The following PDXDC1 variants were observed in gnomAD, a reference collection of about 807,000 sequenced individuals.
The protein encoded by PDXDC1 is pyridoxal-dependent decarboxylase domain-containing protein 1.
In PDXDC1, 42 loss-of-function variants were observed where a neutral mutation model predicts 100.1. The observed-to-expected ratio is 0.42, with a 90% CI of 0.33 to 0.54. The LOEUF (loss-of-function observed/expected upper bound fraction) is 0.54. PDXDC1 is among the 20% of genes least tolerant of loss of function. PDXDC1 has a pLI of 0.10. For synonymous variants in PDXDC1, 260 were observed against 371.7 expected, an observed-to-expected ratio of 0.70 and a Z score of 3.46; for missense variants, 636 against 979.2, an observed-to-expected ratio of 0.65 and a Z score of 4.68.
intron 12 of PDXDC1, among the ~76,000 whole-genome samples, chr16:15,021,744 A>G: frequency 6.6e-6 from 1 of 152,292 alleles, no homozygotes; most frequent in East Asian, 1.9e-4. Flanking sequence ...AGACATGGTG[A>G]TCTGTATATA....
At chr16:15,006,169 T>C (rs1451814601) in intron 5 of PDXDC1, among the ~76,000 whole-genome samples, 3 of 152,276 alleles carry the variant, frequency 2.0e-5, no homozygotes, top group Non-Finnish European at 4.4e-5. Context: ...TTCTGCTCTT[T>C]ATGGAATTGG....
intron 1 of PDXDC1, among the ~76,000 whole-genome samples, chr16:14,993,047 A>G (rs1443132463): frequency 6.6e-6 from 1 of 152,222 alleles, no homozygotes; most frequent in Non-Finnish European, 1.5e-5. Context: ...GCCCAAGCTG[A>G]TCTGAAACTC....
chr16:15,031,250 C>T (rs538866884), intron 16 of PDXDC1, among the ~76,000 whole-genome samples: 12 of 151,974 alleles, frequency 7.9e-5, no homozygotes, highest in Admixed American at 1.3e-4. Context: ...TGCCTGGCCA[C>T]AGCTCTAGAT....
chr16:15,026,358 A>T (rs1456543521), intron 13 of PDXDC1: 1 of 497,720 alleles, frequency 2.0e-6, no homozygotes, highest in African/African-American at 1.9e-5. Context: ...TTAATGTTAG[A>T]CCTATGTTTA....
At chr16:15,125,516 G>A in intron 16 of PDXDC1, 1 of 1,499,038 alleles carries the variant, frequency 6.7e-7, no homozygotes, top group Non-Finnish European at 9.3e-7. Context: ...ACAGTGACCT[G>A]CACCAGGGCT....
chr16:15,068,975 A>G (rs2045103278), intron 16 of PDXDC1, among the ~76,000 whole-genome samples: 1 of 152,244 alleles, frequency 6.6e-6, no homozygotes, highest in Non-Finnish European at 1.5e-5. Context: ...AAAACAAGAT[A>G]TTTAATCCAG....
intron 5 of PDXDC1, among the ~76,000 whole-genome samples, chr16:15,005,317 A>AAAGAAAG (rs1555551934): frequency 2.7e-5 from 4 of 146,860 alleles, no homozygotes; most frequent in Admixed American, 6.8e-5. Context: ...AAAAAAAAAA[A>AAAGAAAG]AAAGAAAACT....
chr16:15,144,869 C>T, the PDXDC1 span, among the ~76,000 whole-genome samples: 3 of 152,290 alleles, frequency 2.0e-5, no homozygotes, highest in East Asian at 1.9e-4. Flanking sequence ...GGAAGGAGAG[C>T]GCTTCATACG....
chr16:14,984,491 A>G (rs1296515903), intron 1 of PDXDC1, among the ~76,000 whole-genome samples: 1 of 93,794 alleles, frequency 1.1e-5, no homozygotes, highest in Non-Finnish European at 2.0e-5. Flanking sequence ...ATATATATAT[A>G]TATATTTTTT....
intron 8 of PDXDC1, among the ~76,000 whole-genome samples, chr16:15,014,147 C>T (rs1421345250): frequency 6.6e-5 from 10 of 151,360 alleles, no homozygotes; most frequent in Middle Eastern, 3.2e-3. Flanking sequence ...GCTGAGATTG[C>T]AGTGAGCCGA....
intron 16 of PDXDC1, among the ~76,000 whole-genome samples, chr16:15,087,600 A>T (rs531355254): frequency 6.6e-6 from 1 of 152,280 alleles, no homozygotes; most frequent in South Asian, 2.1e-4. Context: ...AATCCCAAGT[A>T]GCCTGGCAGT....
chr16:15,082,549 T>C (rs2045751699), intron 16 of PDXDC1, among the ~76,000 whole-genome samples: 1 of 151,952 alleles, frequency 6.6e-6, no homozygotes, highest in South Asian at 2.1e-4. Flanking sequence ...GCCCCATGTC[T>C]ATAGTCCCAC....
chr16:15,020,196 G>A (rs2042084962), intron 12 of PDXDC1, among the ~76,000 whole-genome samples: 2 of 149,856 alleles, frequency 1.3e-5, no homozygotes, highest in South Asian at 4.3e-4. Context: ...CCTAAGCTCA[G>A]AAGTGCGTCA....
chr16:15,086,225 C>G (rs1487000356), intron 16 of PDXDC1: 1 of 1,585,312 alleles, frequency 6.3e-7, no homozygotes, highest in Non-Finnish European at 8.6e-7. Flanking sequence ...TACTCTTCCA[C>G]TACTGTTTGA....
chr16:15,084,033 T>G (rs923804946), intron 16 of PDXDC1, among the ~76,000 whole-genome samples: 4 of 152,206 alleles, frequency 2.6e-5, no homozygotes, highest in African/African-American at 7.2e-5. Context: ...GAACTTACAA[T>G]GTATAGCTTC....
intron 16 of PDXDC1, chr16:15,065,380 C>T (rs756629489): frequency 5.1e-5 from 82 of 1,608,904 alleles, no homozygotes; most frequent in Non-Finnish European, 6.5e-5. Context: ...TACTGTGGAA[C>T]AAAAAAACAA....
chr16:15,048,725 G>A (rs1237313857), intron 16 of PDXDC1, among the ~76,000 whole-genome samples: 1 of 152,164 alleles, frequency 6.6e-6, no homozygotes, highest in African/African-American at 2.4e-5. Flanking sequence ...CCAGGCTCAA[G>A]CGATCCTACC....
chr16:15,099,769 A>G (rs1163013736), intron 16 of PDXDC1, among the ~76,000 whole-genome samples: 1 of 152,216 alleles, frequency 6.6e-6, no homozygotes. Flanking sequence ...TAATACAACA[A>G]TGTAATCAGC....
At chr16:15,047,712 C>G (rs2044132026) in intron 16 of PDXDC1, 1 of 895,300 alleles carries the variant, frequency 1.1e-6, no homozygotes, top group Non-Finnish European at 1.9e-6. Flanking sequence ...GACCAGGACA[C>G]CAGGGAGACA....
Sources: gnomAD v4.1 joint callset for allele counts (sites outside exome capture counted in the v4.1 genomes callset) on GRCh38, gnomAD v4.1.1 for gene constraint, MANE v1.5 for transcripts, NCBI Gene and HGNC (gene_info 2026-07-23, HGNC 2026-07-21) for gene names.